AFAP1L2: variants seen among roughly 807,000 people sequenced by gnomAD.
The protein encoded by AFAP1L2 is actin filament associated protein 1 like 2, also known as actin filament-associated protein 1-like 2.
In AFAP1L2, 46 loss-of-function variants were observed where a neutral mutation model predicts 99.3. The observed-to-expected ratio is 0.46, with a 90% CI of 0.37 to 0.59. The LOEUF is 0.59. AFAP1L2 is among the 20% of genes least tolerant of loss of function. AFAP1L2 has a pLI of 0.00. For missense variants in AFAP1L2, 959 were observed against 1,034.9 expected, an observed-to-expected ratio of 0.93 and a Z score of 1.01; for synonymous variants, 397 against 419.1, an observed-to-expected ratio of 0.95 and a Z score of 0.64.
At chr10:114,334,543 G>A (rs763976381) in intron 2 of AFAP1L2, among the ~76,000 whole-genome samples, 2 of 152,194 alleles carry the variant, frequency 1.3e-5, no homozygotes, top group African/African-American at 4.8e-5. Flanking sequence ...GCAGGGACCC[G>A]AGAGCCAAGA....
intron 1 of AFAP1L2, among the ~76,000 whole-genome samples, chr10:114,376,053 T>C (rs947077729): frequency 6.6e-6 from 1 of 152,122 alleles, no homozygotes; most frequent in Non-Finnish European, 1.5e-5. Context: ...CAGGAACAAA[T>C]ATAAAAATTT....
rs557172302 is a variant in AFAP1L2 at position 114,365,299 on chromosome 10, C to T, written c.17-24568G>A. ...CCCAGGCATACGCTCGTGGCTCCTC[C>T]AGGGAGTCTAGTTGGTACTGTTATT... On this transcript the variant is annotated intron_variant, in intron 1 of 18. Transcript: ENST00000304129. Among the ~76,000 whole-genome samples the T allele has an allele frequency of 3.3e-5, 5 of 152,286 alleles. No homozygotes were observed. The East Asian group carries it at 5.8e-4, about 18-fold the overall frequency.
At chr10:114,323,683 A>G (rs942282090) in intron 4 of AFAP1L2, among the ~76,000 whole-genome samples, 1 of 152,230 alleles carries the variant, frequency 6.6e-6, no homozygotes, top group Admixed American at 6.5e-5. Context: ...GAGAAAGAGG[A>G]CCAGGTTTCT....
At chr10:114,366,592 G>A (rs1414824563) in intron 1 of AFAP1L2, among the ~76,000 whole-genome samples, 7 of 152,216 alleles carry the variant, frequency 4.6e-5, no homozygotes, top group Admixed American at 1.3e-4. Flanking sequence ...GTAAAGGAAG[G>A]GAAGCAGTTA....
intron 1 of AFAP1L2, among the ~76,000 whole-genome samples, chr10:114,396,909 G>A (rs908657005): frequency 6.6e-6 from 1 of 152,132 alleles, no homozygotes; most frequent in African/African-American, 2.4e-5. Flanking sequence ...CATCAGGCAT[G>A]AGCCCTTGGC....
chr10:114,372,849 C>T (rs77167249), intron 1 of AFAP1L2, among the ~76,000 whole-genome samples: 2,085 of 152,198 alleles, frequency 0.014, 52 homozygotes, highest in African/African-American at 0.048. Flanking sequence ...CAGAAAAATA[C>T]AGATAAAGTT....
At chr10:114,335,131 T>C (rs1477617044) in intron 2 of AFAP1L2, among the ~76,000 whole-genome samples, 1 of 152,180 alleles carries the variant, frequency 6.6e-6, no homozygotes, top group Non-Finnish European at 1.5e-5. Context: ...AATGGGTTAC[T>C]GAAGAGGGTA....
At chr10:114,315,828 G>A (rs1039056670) in intron 5 of AFAP1L2, 63 bp from the exon 6 acceptor site, 3 of 1,486,356 alleles carry the variant, frequency 2.0e-6, no homozygotes, top group South Asian at 1.2e-5. Flanking sequence ...AAGCAGCATC[G>A]CTGGGGAGGG....
At chr10:114,296,593 A>C in intron 18 of AFAP1L2, 1 of 240,526 alleles carries the variant, frequency 4.2e-6, no homozygotes, top group Non-Finnish European at 8.2e-6. Flanking sequence ...CAAACCACCT[A>C]TGTGAGTCTG....
rs1171406737 is a variant in AFAP1L2, at chr10:114,295,710, T to G, written c.*332A>C. The G allele has an allele frequency of 1.9e-6, 2 of 1,066,878 alleles. No individual in the cohort carries two copies. The highest frequency in any genetic ancestry group is 1.1e-6 in the Non-Finnish European group (1 of 881,700). 66.1% of individuals were successfully genotyped at this position (1,066,878 alleles called of 1,614,324 possible). A position where few individuals can be genotyped will look rare whatever the true frequency, so the allele number is the denominator to read the frequency against. The stretch of plus-strand genomic sequence containing the variant: ...CCTTGATTCATCTTCCACCAAAGTC[T>G]AAACAGGAGGTTTTCACTATTTAAA... On this transcript the variant is annotated 3_prime_UTR_variant, in exon 19 of 19. Coordinates refer to ENST00000304129, the MANE Select transcript of AFAP1L2 (RefSeq NM_001001936.3).
the AFAP1L2 span, among the ~76,000 whole-genome samples, chr10:114,284,294 G>T: frequency 6.6e-6 from 1 of 152,048 alleles, no homozygotes; most frequent in Admixed American, 6.5e-5. Context: ...GACTTTCTGC[G>T]GATTAATTCA....
chr10:114,323,681 G>A (rs1285439940), intron 4 of AFAP1L2, among the ~76,000 whole-genome samples: 1 of 152,178 alleles, frequency 6.6e-6, no homozygotes, highest in South Asian at 2.1e-4. Flanking sequence ...GGGAGAAAGA[G>A]GACCAGGTTT....
At chr10:114,317,585 G>A (rs536594127) in intron 5 of AFAP1L2, among the ~76,000 whole-genome samples, 6 of 152,286 alleles carry the variant, frequency 3.9e-5, no homozygotes, top group East Asian at 1.9e-4. Flanking sequence ...GGGGCCAGGC[G>A]TGGTGGCTCA....
intron 18 of AFAP1L2, chr10:114,296,364 A>C: frequency 2.3e-6 from 1 of 425,630 alleles, no homozygotes; most frequent in Non-Finnish European, 4.2e-6. Flanking sequence ...ACCTCCAAAT[A>C]TCTCCAGCAG....
At chr10:114,348,763 A>C (rs544314047) in intron 1 of AFAP1L2, among the ~76,000 whole-genome samples, 31 of 152,290 alleles carry the variant, frequency 2.0e-4, no homozygotes, top group Middle Eastern at 3.4e-3. Context: ...AAGAATCCTG[A>C]TGCCTGGGTG....
At chr10:114,404,160 C>CT (rs1178778960) in intron 1 of AFAP1L2, among the ~76,000 whole-genome samples, 2 of 152,198 alleles carry the variant, frequency 1.3e-5, no homozygotes, top group Admixed American at 1.3e-4. Context: ...CTCACCCTCT[C>CT]TCCTGCAACA....
intron 1 of AFAP1L2, among the ~76,000 whole-genome samples, chr10:114,399,485 TG>T (rs962816279): frequency 6.6e-5 from 10 of 152,300 alleles, no homozygotes; most frequent in African/African-American, 2.4e-4. Context: ...AATAAATCCT[TG>T]AAAAGGAATT....
At chr10:114,342,556 C>T (rs1387335687) in intron 1 of AFAP1L2, among the ~76,000 whole-genome samples, 1 of 152,168 alleles carries the variant, frequency 6.6e-6, no homozygotes, top group Non-Finnish European at 1.5e-5. Flanking sequence ...ACAGTGTAAT[C>T]ACAGTGGCTC....
At chr10:114,343,951 C>T (rs948946297) in intron 1 of AFAP1L2, among the ~76,000 whole-genome samples, 1 of 152,100 alleles carries the variant, frequency 6.6e-6, no homozygotes, top group African/African-American at 2.4e-5. Flanking sequence ...GGAGACAACA[C>T]CAAGGCAGAG....
Sources: gnomAD v4.1 joint callset for allele counts (sites outside exome capture counted in the v4.1 genomes callset) on GRCh38, gnomAD v4.1.1 for gene constraint, MANE v1.5 for transcripts, NCBI Gene and HGNC (gene_info 2026-07-23, HGNC 2026-07-21) for gene names.